CLSTN2: variants seen among roughly 807,000 people sequenced by gnomAD.
The protein encoded by CLSTN2 is calsyntenin-2.
In CLSTN2, 48 loss-of-function variants were observed where a neutral mutation model predicts 101.2. That is an observed-to-expected ratio of 0.47 (90% CI 0.38 to 0.60). The LOEUF (loss-of-function observed/expected upper bound fraction) is 0.60. Ranked by LOEUF, CLSTN2 falls within the 20% of genes least tolerant of loss-of-function variation. The probability of loss-of-function intolerance (pLI) is 0.00; values close to 1 mark genes in which losing one functional copy is unlikely to be tolerated. For synonymous variants in CLSTN2, 481 were observed against 463.6 expected (o/e 1.04, Z -0.48); for missense variants, 1,160 against 1,238.2 (o/e 0.94, Z 0.95).
chr3:140,317,492 C>A (rs2087240914), intron 2 of CLSTN2, among the ~76,000 whole-genome samples: 2 of 152,100 alleles, frequency 1.3e-5, no homozygotes. Flanking sequence ...TGTAAAAGTT[C>A]CTACAGCCTG....
At chr3:140,434,555 G>T (rs2088668387) in intron 5 of CLSTN2, among the ~76,000 whole-genome samples, 1 of 152,140 alleles carries the variant, frequency 6.6e-6, no homozygotes, top group Admixed American at 6.5e-5. Flanking sequence ...AGGTACAGTG[G>T]CCAGGCTTGA....
chr3:140,272,537 G>A (rs1012561795), intron 2 of CLSTN2, among the ~76,000 whole-genome samples: 1 of 152,168 alleles, frequency 6.6e-6, no homozygotes, highest in Admixed American at 6.5e-5. Context: ...ATCACCTGAG[G>A]ATGGGAGTTC....
At chr3:140,283,017 AG>A (rs1468270372) in intron 2 of CLSTN2, among the ~76,000 whole-genome samples, 3 of 152,140 alleles carry the variant, frequency 2.0e-5, no homozygotes, top group Non-Finnish European at 4.4e-5. Context: ...AGTGATATCC[AG>A]GGGCTGCTCA....
intron 9 of CLSTN2, among the ~76,000 whole-genome samples, chr3:140,538,003 C>A (rs1404386347): frequency 7.6e-6 from 1 of 132,210 alleles, no homozygotes; most frequent in East Asian, 2.1e-4. Context: ...CAGAGCAACT[C>A]TGTTTTACCT....
intron 2 of CLSTN2, among the ~76,000 whole-genome samples, chr3:140,321,762 A>G (rs1035602913): frequency 6.6e-6 from 1 of 152,174 alleles, no homozygotes; most frequent in Admixed American, 6.5e-5. Context: ...AGTTTATCAG[A>G]TTGTCCTCTC....
At chr3:140,092,509 G>C (rs1365978283) in intron 1 of CLSTN2, among the ~76,000 whole-genome samples, 1 of 152,168 alleles carries the variant, frequency 6.6e-6, no homozygotes, top group Non-Finnish European at 1.5e-5. Context: ...AGAGGCTTAG[G>C]GTCTTGCTAA....
At chr3:140,180,130 A>T (rs542951035) in intron 2 of CLSTN2, among the ~76,000 whole-genome samples, 7 of 152,326 alleles carry the variant, frequency 4.6e-5, no homozygotes, top group Admixed American at 6.5e-5. Context: ...TCTTGCAATG[A>T]TTCAAGATAT....
At chr3:139,992,309 T>C (rs1936128476) in intron 1 of CLSTN2, among the ~76,000 whole-genome samples, 1 of 152,154 alleles carries the variant, frequency 6.6e-6, no homozygotes, top group Non-Finnish European at 1.5e-5. Context: ...GAGTAAAATA[T>C]AGTCATGCCA....
chr3:140,541,411 T>G (rs1479646731), intron 9 of CLSTN2, among the ~76,000 whole-genome samples: 2 of 152,244 alleles, frequency 1.3e-5, no homozygotes, highest in African/African-American at 2.4e-5. Context: ...TGTAGGGTGC[T>G]TGGCTGATTG....
chr3:140,546,176 T>C (rs1935580098), intron 9 of CLSTN2, among the ~76,000 whole-genome samples: 1 of 152,252 alleles, frequency 6.6e-6, no homozygotes, highest in Non-Finnish European at 1.5e-5. Context: ...CCTGACAGAC[T>C]GGCACAAGGC....
At chr3:140,391,715 G>C (rs1478584852) in intron 2 of CLSTN2, among the ~76,000 whole-genome samples, 1 of 151,764 alleles carries the variant, frequency 6.6e-6, no homozygotes, top group Non-Finnish European at 1.5e-5. Flanking sequence ...TTATGAACTA[G>C]AACCCTATTG....
At chr3:140,082,816 G>T (rs1217752045) in intron 1 of CLSTN2, among the ~76,000 whole-genome samples, 1 of 152,174 alleles carries the variant, frequency 6.6e-6, no homozygotes, top group Non-Finnish European at 1.5e-5. Flanking sequence ...AACTGGATGT[G>T]GTCCCTTGCT....
intron 1 of CLSTN2, among the ~76,000 whole-genome samples, chr3:140,174,414 G>T: frequency 6.6e-6 from 1 of 152,112 alleles, no homozygotes; most frequent in East Asian, 1.9e-4. Context: ...ACATTTTCCT[G>T]TCTTCTTCTG....
chr3:140,510,608 A>G (rs1039038473), intron 8 of CLSTN2, among the ~76,000 whole-genome samples: 8 of 152,212 alleles, frequency 5.3e-5, no homozygotes, highest in African/African-American at 1.9e-4. Context: ...GCTACTTTTC[A>G]GATTTCCTGC....
intron 2 of CLSTN2, among the ~76,000 whole-genome samples, chr3:140,263,667 C>A (rs556331013): frequency 6.6e-6 from 1 of 152,274 alleles, no homozygotes; most frequent in Admixed American, 6.5e-5. Context: ...TCTTGTTTGG[C>A]TGCAGGTAAA....
At chr3:140,277,517 C>T (rs1411716708) in intron 2 of CLSTN2, among the ~76,000 whole-genome samples, 2 of 152,198 alleles carry the variant, frequency 1.3e-5, no homozygotes, top group Non-Finnish European at 1.5e-5. Context: ...AGCAATAGCT[C>T]ACCTTGAAAA....
rs1196109432 is a variant in CLSTN2, at chr3:140,239,455, T to G, written c.232+63382T>G. 2.0e-5 allele frequency among the ~76,000 whole-genome samples: 3 copies of G among 152,318 alleles called. No individual in the cohort carries two copies. The East Asian group carries it at 5.8e-4, about 29-fold the overall frequency. On this transcript the variant is annotated intron_variant, in intron 2 of 16. Coordinates refer to ENST00000458420, the MANE Select transcript of CLSTN2 (RefSeq NM_022131.3). ...TTTACTTCATACTTGTTAAAAGAGTTTTTAAAATGAATAAATGAATATCAT... is the reference window on the plus strand; with the variant it reads ...TTTACTTCATACTTGTTAAAAGAGTGTTTAAAATGAATAAATGAATATCAT...
At chr3:140,203,284 T>C (rs1398113012) in intron 2 of CLSTN2, among the ~76,000 whole-genome samples, 2 of 151,978 alleles carry the variant, frequency 1.3e-5, no homozygotes, top group Non-Finnish European at 2.9e-5. Flanking sequence ...TTGAAAAGTA[T>C]AGTTTAGGGG....
At chr3:140,380,242 A>T in intron 2 of CLSTN2, among the ~76,000 whole-genome samples, 1 of 152,160 alleles carries the variant, frequency 6.6e-6, no homozygotes, top group East Asian at 1.9e-4. Context: ...TCTGTCACAG[A>T]GTCAGGAGAC....
Sources: allele counts gnomAD v4.1 joint callset (sites outside exome capture counted in the v4.1 genomes callset), GRCh38; gene constraint gnomAD v4.1.1; transcripts MANE v1.5; gene names NCBI Gene and HGNC (gene_info 2026-07-23, HGNC 2026-07-21).